ZNF546: variants seen among roughly 807,000 people sequenced by gnomAD.
ZNF546 encodes zinc finger protein 546, also known as CTC-471F3.6.
ZNF546 carries 60 observed loss-of-function variants against 76.2 expected under a neutral mutation model. The ratio of observed to expected loss-of-function variants is 0.79; its 90% CI spans 0.64 to 0.98. ZNF546 has a LOEUF of 0.98. Ranked by LOEUF, ZNF546 falls within the 50% of genes least tolerant of loss-of-function variation. The pLI is 0.00. For synonymous variants in ZNF546, 277 were observed against 328.1 expected (o/e 0.84, Z 1.68); for missense variants, 936 against 1,035.6 (o/e 0.90, Z 1.32).
At chr19:40,005,760 C>G (rs1971594823) in intron 3 of ZNF546, among the ~76,000 whole-genome samples, 1 of 151,834 alleles carries the variant, frequency 6.6e-6, no homozygotes, top group African/African-American at 2.4e-5. Context: ...CTGCCTCTTA[C>G]TAACTGTGAA....
intron 3 of ZNF546, among the ~76,000 whole-genome samples, chr19:40,002,741 C>T (rs1345091042): frequency 6.6e-6 from 1 of 151,442 alleles, no homozygotes; most frequent in African/African-American, 2.4e-5. Context: ...ACTCTGTCGC[C>T]CAGGCTGGAG....
At position 40,014,664 on chromosome 19, in the gene ZNF546, G is replaced by T; in HGVS notation, c.1394G>T (p.Gly465Val). Reference sequence around the variant, plus strand: ...ACTCGGCATCATAGAACTCATACTGGTGAGAAACCCTATGAATGTAAGGAA... The same window carrying T: ...ACTCGGCATCATAGAACTCATACTGTTGAGAAACCCTATGAATGTAAGGAA... The part of the protein sequence containing the change: ...ELTRHHRTHT[G>V]EKPYECKECG... The change falls in exon 7 of 7, where the codon GGT (glycine) becomes GTT (valine). Residue 465 changes from glycine (G) to valine (V), a missense_variant. Transcript: ENST00000347077. 6.2e-7 allele frequency: 1 copy of T among 1,614,000 alleles called. No individual in the cohort carries two copies. Among genetic ancestry groups the T allele is most frequent in the Non-Finnish European group, 8.5e-7 (1 of 1,180,006 alleles).
At chr19:39,999,033 A>G (rs1489214739) in intron 3 of ZNF546, among the ~76,000 whole-genome samples, 1 of 152,232 alleles carries the variant, frequency 6.6e-6, no homozygotes, top group Non-Finnish European at 1.5e-5. Context: ...TTGGCCTCCC[A>G]AAGTGCTGGG....
rs114212675 is a variant in ZNF546 at position 40,015,296 on chromosome 19, C to T, written c.2026C>T (p.Arg676Trp). ...ECTECGKTFS[R>W]HYHLTQHHRG... ...TACGGAATGTGGGAAGACGTTTAGT[C>T]GGCACTATCATCTTACTCAACATCA... The change falls in exon 7 of 7, where the codon CGG becomes TGG. Residue 676 changes from arginine (R) to tryptophan (W), a missense_variant. Coordinates refer to ENST00000347077, the MANE Select transcript of ZNF546 (RefSeq NM_178544.5). 3,037 of 1,613,822 alleles carry T rather than the reference C, an allele frequency of 1.9e-3. 39 individuals are homozygous for T. In the African/African-American group the frequency reaches 0.033, roughly 18 times the overall value.
chr19:40,019,086 C>T lies in ZNF546; in HGVS notation c.*3305C>T, dbSNP rs749712541. ...TCTGTAGAGTAGTACTTTGGCATTT[C>T]GGAAATTTAAAATCTCCAATAATAT... On this transcript the variant is annotated 3_prime_UTR_variant, in exon 7 of 7. Coordinates refer to ENST00000347077, the MANE Select transcript of ZNF546 (RefSeq NM_178544.5). The T allele has an allele frequency of 6.6e-5, 10 of 152,048 alleles. No homozygotes were observed. The highest frequency in any genetic ancestry group is 1.7e-4 in the African/African-American group (7 of 41,448). The allele number at this position is 152,048 out of a possible 1,614,324, so 9.4% of individuals were successfully genotyped here.
chr19:40,014,421 C>T lies in ZNF546; in HGVS notation c.1151C>T (p.Pro384Leu), dbSNP rs760672623. The change falls in exon 7 of 7, where the codon CCC becomes CTC. Residue 384 changes from proline to leucine, a missense_variant. Pro to Leu is a moderately conservative substitution (Grantham distance 98, BLOSUM62 -3). Transcript: ENST00000347077. ...CAGAAAATTCATACTGGTGTCAAAC[C>T]CTATAAATGTAATGAATGTGGGAAG... The part of the protein sequence containing the change: ...QHQKIHTGVK[P>L]YKCNECGKAF... 6.2e-7 allele frequency: 1 copy of T among 1,614,000 alleles called. No individual in the cohort carries two copies. Among genetic ancestry groups the T allele is most frequent in the Non-Finnish European group, 8.5e-7 (1 of 1,179,976 alleles).
intron 3 of ZNF546, 96 bp downstream of exon 3, chr19:39,998,506 C>A: frequency 9.7e-7 from 1 of 1,025,852 alleles, no homozygotes; most frequent in Non-Finnish European, 1.5e-6. Flanking sequence ...CTCCAATCTT[C>A]TCCAAAGACC....
Position 39,997,134 on chromosome 19 carries a change from T to C in ZNF546, c.-158T>C, listed in dbSNP as rs1446004869. 6.6e-6 allele frequency: 1 copy of C among 152,330 alleles called. No homozygotes were observed. The highest frequency in any genetic ancestry group is 1.5e-5 in the Non-Finnish European group (1 of 68,122). The allele number at this position is 152,330 out of a possible 1,614,324, so 9.4% of individuals were successfully genotyped here. On this transcript the variant is annotated 5_prime_UTR_variant, in exon 1 of 7. Transcript: ENST00000347077. ...AGTCACCTTAACCGTTATTATTCACTTGCGGGCGAGAAGTCCGAGCTAGGT... is the reference window on the plus strand; with the variant it reads ...AGTCACCTTAACCGTTATTATTCACCTGCGGGCGAGAAGTCCGAGCTAGGT...
chr19:40,018,626 C>T lies in ZNF546; in HGVS notation c.*2845C>T, dbSNP rs927874360. On this transcript the variant is annotated 3_prime_UTR_variant, in exon 7 of 7. Transcript: ENST00000347077. Reference sequence around the variant, plus strand: ...GGGCCTGTGTTTATGGCAGGAATAACACTGTGATTTCCACGACTAAGTCAT... The same window carrying T: ...GGGCCTGTGTTTATGGCAGGAATAATACTGTGATTTCCACGACTAAGTCAT... 2 of 152,216 alleles carry T rather than the reference C, an allele frequency of 1.3e-5. No individual in the cohort carries two copies. Among genetic ancestry groups the T allele is most frequent in the East Asian group, 3.9e-4 (2 of 5,180 alleles). 9.4% of individuals were successfully genotyped at this position (152,216 alleles called of 1,614,324 possible).
In ZNF546 at chr19:40,015,869, TC is replaced by T. The variant is rs1414808352; in HGVS notation, c.*91del. ...CTGTTTGTTACGGAACATGTGGGAA[TC>T]CCTTTTACTTCATGCTCACAATTTA... On this transcript the variant is annotated 3_prime_UTR_variant, in exon 7 of 7. Coordinates refer to ENST00000347077, the MANE Select transcript of ZNF546 (RefSeq NM_178544.5). The T allele has an allele frequency of 1.5e-5, 17 of 1,168,620 alleles. No individual in the cohort carries two copies. Among genetic ancestry groups the T allele is most frequent in the Non-Finnish European group, 1.8e-5 (14 of 790,812 alleles). The allele number at this position is 1,168,620 out of a possible 1,614,324, so 72.4% of individuals were successfully genotyped here.
chr19:39,998,374 T>C lies in ZNF546; in HGVS notation c.48T>C (p.Ile16=), dbSNP rs752945828. 1 of 1,614,190 alleles carries C rather than the reference T, an allele frequency of 6.2e-7. No individual in the cohort carries two copies. Among genetic ancestry groups the C allele is most frequent in the Non-Finnish European group, 8.5e-7 (1 of 1,180,016 alleles). Residue 16 remains isoleucine, a synonymous_variant, in exon 3 of 7, where the codon ATT becomes ATC. Coordinates refer to ENST00000347077, the MANE Select transcript of ZNF546 (RefSeq NM_178544.5). ...PLHGPPNDFL[I]FQIIPLHSLS... ...ACGGGCCTCCAAATGACTTTCTCAT[T>C]TTTCAAATCATTCCTCTGCACTCAC...
chr19:39,998,251 A>G lies in ZNF546; in HGVS notation c.-76A>G. ...CATAAAATGTTTTTGTTTTTAGGAA[A>G]TGGAAACATTGCTTTGCTTTTCCTG... is the stretch of plus-strand genomic sequence containing the variant. On this transcript the variant is annotated 5_prime_UTR_variant, in exon 3 of 7. It removes an upstream start codon present in the reference 5' UTR. Coordinates refer to ENST00000347077, the MANE Select transcript of ZNF546 (RefSeq NM_178544.5). The G allele has an allele frequency of 8.5e-7, 1 of 1,176,626 alleles. No individual in the cohort carries two copies. The highest frequency in any genetic ancestry group is 1.5e-5 in the African/African-American group (1 of 65,414). 72.9% of individuals were successfully genotyped at this position (1,176,626 alleles called of 1,614,324 possible).
chr19:40,009,480 A>G (rs1281869620), intron 6 of ZNF546, among the ~76,000 whole-genome samples: 5 of 152,228 alleles, frequency 3.3e-5, no homozygotes, highest in Admixed American at 2.0e-4. Flanking sequence ...TTAAGTGTCA[A>G]TTTTTATAAC....
chr19:40,018,555 C>T lies in ZNF546; in HGVS notation c.*2774C>T, dbSNP rs559076794. On this transcript the variant is annotated 3_prime_UTR_variant, in exon 7 of 7. Coordinates refer to ENST00000347077, the MANE Select transcript of ZNF546 (RefSeq NM_178544.5). ...ATCTTACAATGTGATACCAACACTC[C>T]CCAAGAGGTAGAGCTCATGGTCCTT... 6 of 152,276 alleles carry T rather than the reference C, an allele frequency of 3.9e-5. No homozygotes were observed. The highest frequency in any genetic ancestry group is 3.4e-3 in the Middle Eastern group (1 of 294). The allele number at this position is 152,276 out of a possible 1,614,324, so 9.4% of individuals were successfully genotyped here.
chr19:40,003,115 A>C (rs1407410774), intron 3 of ZNF546, among the ~76,000 whole-genome samples: 1 of 148,972 alleles, frequency 6.7e-6, no homozygotes, highest in Admixed American at 6.7e-5. Context: ...GGCTCACTGC[A>C]AGCTCTGCCT....
intron 3 of ZNF546, among the ~76,000 whole-genome samples, chr19:40,001,367 CT>C (rs532859426): frequency 0.11 from 15,603 of 142,028 alleles, 2,078 homozygotes; most frequent in African/African-American, 0.33. Flanking sequence ...GAGGATATTT[CT>C]TTTTTTTTTT....
At position 40,005,211 on chromosome 19, in the gene ZNF546, G is replaced by A. The variant is rs572579648; in HGVS notation, c.85-885G>A. ...TTTTTTTTGTATTTTTAGTAGAGATGGTTTCACCATGTTGGCCAGGCTGGT... is the reference window on the plus strand; with the variant it reads ...TTTTTTTTGTATTTTTAGTAGAGATAGTTTCACCATGTTGGCCAGGCTGGT... On this transcript the variant is annotated intron_variant, in intron 3 of 6. Coordinates refer to ENST00000347077, the MANE Select transcript of ZNF546 (RefSeq NM_178544.5). Among the ~76,000 whole-genome samples, 2 of 151,478 alleles carry A rather than the reference G, an allele frequency of 1.3e-5. 1 individual carries two copies. The highest frequency in any genetic ancestry group is 4.8e-5 in the African/African-American group (2 of 41,296).
In ZNF546 at chr19:40,015,348, A is replaced by G. The variant is rs1417037851; in HGVS notation, c.2078A>G (p.Tyr693Cys). 6.2e-7 allele frequency: 1 copy of G among 1,614,110 alleles called. No homozygotes were observed. Among genetic ancestry groups the G allele is most frequent in the Non-Finnish European group, 8.5e-7 (1 of 1,180,048 alleles). Residue 693 changes from tyrosine (Y) to cysteine (C), a missense_variant, in exon 7 of 7, where the codon TAC becomes TGC. Transcript: ENST00000347077. ...AGAGGCCATACTGGTGAGAAGCCCT[A>G]CATATGTAATGAATGTGGGAATGCT... ...HHRGHTGEKP[Y>C]ICNECGNAFI...
chr19:40,005,219 C>A (rs571762243), intron 3 of ZNF546, among the ~76,000 whole-genome samples: 2 of 151,846 alleles, frequency 1.3e-5, no homozygotes, highest in South Asian at 4.2e-4. Flanking sequence ...ATGGTTTCAC[C>A]ATGTTGGCCA....
Sources: allele counts gnomAD v4.1 joint callset (sites outside exome capture counted in the v4.1 genomes callset), GRCh38; gene constraint gnomAD v4.1.1; transcripts MANE v1.5; gene names NCBI Gene and HGNC (gene_info 2026-07-23, HGNC 2026-07-21).